Variants in SLCO2A1 observed in about 807,000 individuals in gnomAD.
SLCO2A1 encodes solute carrier organic anion transporter family member 2A1.
A neutral mutation model predicts 71.7 loss-of-function variants in SLCO2A1; 60 were observed. That is an observed-to-expected ratio of 0.84 (90% CI 0.68 to 1.04). The LOEUF (loss-of-function observed/expected upper bound fraction) is 1.04, where lower values mean the gene tolerates loss of function less well. Ranked by LOEUF, SLCO2A1 falls within the 50% of genes least tolerant of loss-of-function variation. SLCO2A1 has a pLI of 0.00. For synonymous variants in SLCO2A1, 308 were observed against 326.7 expected (o/e 0.94, Z 0.62); for missense variants, 745 against 813.4 (o/e 0.92, Z 1.02).
At chr3:133,970,963 A>C (rs1240227865) in intron 3 of SLCO2A1, among the ~76,000 whole-genome samples, 2 of 152,260 alleles carry the variant, frequency 1.3e-5, no homozygotes, top group Non-Finnish European at 2.9e-5. Context: ...AGCTGAACCC[A>C]AACTGACTGA....
At chr3:134,020,584 C>T (rs1330408992) in intron 1 of SLCO2A1, among the ~76,000 whole-genome samples, 8 of 152,254 alleles carry the variant, frequency 5.3e-5, no homozygotes, top group African/African-American at 1.9e-4. Context: ...CCGGTCTGGA[C>T]ATCTAAAACT....
chr3:134,010,333 G>A (rs1935306705), intron 1 of SLCO2A1, among the ~76,000 whole-genome samples: 1 of 152,142 alleles, frequency 6.6e-6, no homozygotes, highest in Admixed American at 6.5e-5. Context: ...GAGGCCTCAG[G>A]AAACTTACAA....
rs76325377 is a variant in SLCO2A1, at chr3:133,999,495, C to T, written c.97-19877G>A. Among the ~76,000 whole-genome samples the T allele has an allele frequency of 9.1e-3, 1,388 of 152,252 alleles. 23 individuals carry two copies. Among genetic ancestry groups the T allele is most frequent in the African/African-American group, 0.029 (1,200 of 41,544 alleles). On this transcript the variant is annotated intron_variant, in intron 1 of 13. Coordinates refer to ENST00000310926, the MANE Select transcript of SLCO2A1 (RefSeq NM_005630.3). ...ACCAAGGGCCGAGCAGGGCTGCCTC[C>T]CCCAGCCCCCCAGGGGCATACTATT...
chr3:133,995,816 A>G (rs981140654), intron 1 of SLCO2A1, among the ~76,000 whole-genome samples: 1 of 152,252 alleles, frequency 6.6e-6, no homozygotes, highest in African/African-American at 2.4e-5. Context: ...CTAGGCACTC[A>G]TACGCCATAA....
Position 133,942,772 on chromosome 3 carries a change from C to T in SLCO2A1, c.1462-4G>A, listed in dbSNP as rs1933461330. The T allele has an allele frequency of 3.8e-6, 6 of 1,596,718 alleles. No individual in the cohort carries two copies. The highest frequency in any genetic ancestry group is 2.3e-5 in the East Asian group (1 of 44,184). ...CACAGCTGCAGTTCAAATAGATCTT[C>T]AAGAGGAAGGGGAGGGAAAAAGGGG... On this transcript the variant is annotated splice_polypyrimidine_tract_variant and splice_region_variant and intron_variant, in intron 10 of 13. Coordinates refer to ENST00000310926, the MANE Select transcript of SLCO2A1 (RefSeq NM_005630.3).
intron 5 of SLCO2A1, 82 bp from the exon 6 acceptor site, chr3:133,951,426 G>T: frequency 1.3e-6 from 2 of 1,522,216 alleles, no homozygotes; most frequent in Non-Finnish European, 1.8e-6. Flanking sequence ...ATCAGGGGGA[G>T]TTTCACTGAT....
At position 133,934,682 on chromosome 3, in the gene SLCO2A1, C is replaced by T. The variant is rs1341564227; in HGVS notation, c.*31G>A. On this transcript the variant is annotated 3_prime_UTR_variant, in exon 14 of 14. Transcript: ENST00000310926. ...AGGTGTGGAAGAGTCAAGGTCCACT[C>T]TCTGGAGCAGGGCAGTGGCCCAGGG... 1 of 1,481,646 alleles carries T rather than the reference C, an allele frequency of 6.7e-7. No homozygotes were observed. Among genetic ancestry groups the T allele is most frequent in the Non-Finnish European group, 9.4e-7 (1 of 1,060,530 alleles). 91.8% of individuals were successfully genotyped at this position (1,481,646 alleles called of 1,614,324 possible).
In SLCO2A1 at chr3:133,932,863, T is replaced by A. The variant is rs1479848237; in HGVS notation, c.*1850A>T. On this transcript the variant is annotated 3_prime_UTR_variant, in exon 14 of 14. Transcript: ENST00000310926. ...AAATTGCCATGGGAAAGACCAGGGT[T>A]AGTTGCAGGGCATCATTTTCCAAGC... is the stretch of plus-strand genomic sequence containing the variant. 1 of 152,610 alleles carries A rather than the reference T, an allele frequency of 6.6e-6. No homozygotes were observed. The highest frequency in any genetic ancestry group is 1.5e-5 in the Non-Finnish European group (1 of 68,032). 9.5% of individuals were successfully genotyped at this position (152,610 alleles called of 1,614,324 possible).
In SLCO2A1 at chr3:133,934,482, G is replaced by A. The variant is rs867422788; in HGVS notation, c.*231C>T. 6 of 432,808 alleles carry A rather than the reference G, an allele frequency of 1.4e-5. No homozygotes were observed. The highest frequency in any genetic ancestry group is 2.0e-5 in the African/African-American group (1 of 49,956). The allele number at this position is 432,808 out of a possible 1,614,324, so 26.8% of individuals were successfully genotyped here. A position where few individuals can be genotyped will look rare whatever the true frequency, so the allele number is the denominator to read the frequency against. Reference sequence around the variant, plus strand: ...TCTGGGGGCCTCTTCCAAGGGGCCAGGGAAGACTCAGCCCCCCAGTTCTGG... The same window carrying A: ...TCTGGGGGCCTCTTCCAAGGGGCCAAGGAAGACTCAGCCCCCCAGTTCTGG... On this transcript the variant is annotated 3_prime_UTR_variant, in exon 14 of 14. Transcript: ENST00000310926.
intron 1 of SLCO2A1, among the ~76,000 whole-genome samples, chr3:134,012,771 G>C (rs1043870262): frequency 2.0e-5 from 3 of 152,122 alleles, no homozygotes; most frequent in Admixed American, 2.0e-4. Context: ...CTCTCTGGGA[G>C]CCCCCATTTC....
In SLCO2A1 at chr3:133,986,457, T is replaced by C. The variant is rs151098698; in HGVS notation, c.97-6839A>G. On this transcript the variant is annotated intron_variant, in intron 1 of 13. Transcript: ENST00000310926. ...AACACATCACTTGAGACACATCTTA[T>C]AGAAGGAAGCTGGCAGAGAAACCCC... Among the ~76,000 whole-genome samples the C allele has an allele frequency of 1.6e-3, 251 of 152,272 alleles. 1 individual carries two copies. The highest frequency in any genetic ancestry group is 5.9e-3 in the African/African-American group (244 of 41,542).
In SLCO2A1 at chr3:133,933,283, A is replaced by T. The variant is rs1933185471; in HGVS notation, c.*1430T>A. On this transcript the variant is annotated 3_prime_UTR_variant, in exon 14 of 14. Transcript: ENST00000310926. ...TAGTCAGGTCAGGATCCTTCATGCC[A>T]ATCTGTGGCTTCTTGCTGTCCCCAC... 6.6e-6 allele frequency: 1 copy of T among 152,146 alleles called. No homozygotes were observed. Among genetic ancestry groups the T allele is most frequent in the Non-Finnish European group, 1.5e-5 (1 of 68,072 alleles). 9.4% of individuals were successfully genotyped at this position (152,146 alleles called of 1,614,324 possible). A position where few individuals can be genotyped will look rare whatever the true frequency, so the allele number is the denominator to read the frequency against.
At chr3:133,938,524 G>C in intron 11 of SLCO2A1, 31 bp from the exon 12 acceptor site, 1 of 1,605,426 alleles carries the variant, frequency 6.2e-7, no homozygotes, top group African/African-American at 1.3e-5. Flanking sequence ...TCAGCAGTGG[G>C]AGGATTCAGG....
At chr3:133,943,606 C>T (rs1044070882) in intron 10 of SLCO2A1, among the ~76,000 whole-genome samples, 2 of 152,036 alleles carry the variant, frequency 1.3e-5, no homozygotes, top group African/African-American at 4.8e-5. Flanking sequence ...TTATAATTTA[C>T]TGATTTTTTT....
In SLCO2A1 at chr3:133,947,388, T is replaced by C; in HGVS notation, c.1163A>G (p.Lys388Arg). The C allele has an allele frequency of 6.2e-7, 1 of 1,614,028 alleles. No homozygotes were observed. The highest frequency in any genetic ancestry group is 8.5e-7 in the Non-Finnish European group (1 of 1,179,996). Reference sequence around the variant, plus strand: ...GGCTTGTAGAGAGAAAACAAAGCGCTTCATGAGGATTCCTCCAAACAGCAT... The same window carrying C: ...GGCTTGTAGAGAGAAAACAAAGCGCCTCATGAGGATTCCTCCAAACAGCAT... ...LGMLFGGILMKRFVFSLQAIP... is the reference protein window; with the variant it reads ...LGMLFGGILMRRFVFSLQAIP... Residue 388 changes from lysine to arginine, a missense_variant, in exon 9 of 14, where the codon AAG (lysine) becomes AGG (arginine). Transcript: ENST00000310926.
intron 3 of SLCO2A1, among the ~76,000 whole-genome samples, chr3:133,956,629 T>C (rs1316772005): frequency 2.6e-5 from 4 of 152,230 alleles, no homozygotes; most frequent in Non-Finnish European, 4.4e-5. Flanking sequence ...TCCCACTCCA[T>C]GTTCATTATC....
chr3:133,942,338 C>T (rs1294406656), intron 11 of SLCO2A1: 1 of 342,290 alleles, frequency 2.9e-6, no homozygotes, highest in African/African-American at 2.1e-5. Flanking sequence ...GAGGCGCCAA[C>T]AGGGCCTGTG....
At chr3:133,981,717 C>T (rs111647186) in intron 1 of SLCO2A1, among the ~76,000 whole-genome samples, 4,664 of 152,260 alleles carry the variant, frequency 0.031, 239 homozygotes, top group African/African-American at 0.11. Flanking sequence ...TGGCTCATGC[C>T]TGTAATCCCA....
chr3:133,999,992 G>A (rs1167329607), intron 1 of SLCO2A1, among the ~76,000 whole-genome samples: 1 of 152,168 alleles, frequency 6.6e-6, no homozygotes, highest in African/African-American at 2.4e-5. Flanking sequence ...CTTGGGACAA[G>A]GCAAAAACAA....
Sources: allele counts gnomAD v4.1 joint callset (sites outside exome capture counted in the v4.1 genomes callset), GRCh38; gene constraint gnomAD v4.1.1; transcripts MANE v1.5; gene names NCBI Gene and HGNC (gene_info 2026-07-23, HGNC 2026-07-21).